Variants in STK32B observed in about 807,000 individuals in gnomAD.
STK32B encodes the protein serine/threonine-protein kinase 32B.
Under a neutral mutation model 52.6 loss-of-function variants are expected in STK32B, and 43 were observed. The observed-to-expected ratio is 0.82, with a 90% confidence interval of 0.64 to 1.05. The LOEUF is 1.05. Ranked by LOEUF, STK32B falls within the 50% of genes least tolerant of loss-of-function variation. STK32B has a pLI of 0.00. For synonymous variants in STK32B, 238 were observed against 204.3 expected, an observed-to-expected ratio of 1.17 and a Z score of -1.41; for missense variants, 621 against 534.6, an observed-to-expected ratio of 1.16 and a Z score of -1.59.
At chr4:5,027,575 A>G in the STK32B span, among the ~76,000 whole-genome samples, 2 of 152,240 alleles carry the variant, frequency 1.3e-5, no homozygotes, top group Admixed American at 1.3e-4. Flanking sequence ...GGTTTATACC[A>G]CTTATTGCAC....
intron 3 of STK32B, among the ~76,000 whole-genome samples, chr4:5,174,468 C>T (rs969401047): frequency 6.6e-6 from 1 of 152,172 alleles, no homozygotes; most frequent in Non-Finnish European, 1.5e-5. Flanking sequence ...TTTAGTGCTT[C>T]CTTCAGGAGC....
chr4:5,217,939 T>C (rs368164011), intron 3 of STK32B, among the ~76,000 whole-genome samples: 1 of 152,208 alleles, frequency 6.6e-6, no homozygotes, highest in Admixed American at 6.5e-5. Context: ...TTTTGACACA[T>C]AATGAAAATT....
chr4:5,359,773 G>C (rs948333188), intron 4 of STK32B, among the ~76,000 whole-genome samples: 1 of 152,194 alleles, frequency 6.6e-6, no homozygotes, highest in African/African-American at 2.4e-5. Context: ...GTGCTTGGTT[G>C]CCTCAGGAAC....
intron 3 of STK32B, among the ~76,000 whole-genome samples, chr4:5,235,507 T>C (rs903420236): frequency 1.3e-5 from 2 of 152,176 alleles, no homozygotes; most frequent in Admixed American, 6.5e-5. Context: ...ATACAGATTA[T>C]CCAAGATAGC....
rs1309360093 is a variant in STK32B, at chr4:5,345,800, C to T, written c.434+14407C>T. On this transcript the variant is annotated intron_variant, in intron 4 of 11. Coordinates refer to ENST00000282908, the MANE Select transcript of STK32B (RefSeq NM_018401.3). ...AGAATTGATCTGCTATCCAAGCTTT[C>T]GTGATGGAAACGTCACATGGATGAC... 2.0e-5 allele frequency among the ~76,000 whole-genome samples: 3 copies of T among 152,184 alleles called. No individual in the cohort carries two copies. In the East Asian group the frequency reaches 5.8e-4, roughly 29 times the overall value.
intron 1 of STK32B, among the ~76,000 whole-genome samples, chr4:5,084,793 T>G (rs1712626553): frequency 6.6e-6 from 1 of 152,232 alleles, no homozygotes; most frequent in South Asian, 2.1e-4. Context: ...ATTTTTAAAC[T>G]GTCTCAGAGT....
intron 3 of STK32B, among the ~76,000 whole-genome samples, chr4:5,287,587 A>T (rs1728635268): frequency 6.6e-6 from 1 of 152,176 alleles, no homozygotes; most frequent in Non-Finnish European, 1.5e-5. Flanking sequence ...AAACCAAGCC[A>T]ACTAGTGTCG....
rs372479384 is a variant in STK32B at position 5,147,558 on chromosome 4, A to G, written c.108+7598A>G. ...TTCATTAAGAACATCTTTACCTGTA[A>G]GTTTTTCAGAGATGCTCTTTATCAA... On this transcript the variant is annotated intron_variant, in intron 2 of 11. Transcript: ENST00000282908. Among the ~76,000 whole-genome samples the G allele has an allele frequency of 3.4e-4, 52 of 152,058 alleles. No homozygotes were observed. The South Asian group carries it at 9.6e-3, about 28-fold the overall frequency.
intron 3 of STK32B, among the ~76,000 whole-genome samples, chr4:5,212,630 T>C (rs748346478): frequency 4.6e-5 from 7 of 152,226 alleles, no homozygotes; most frequent in Non-Finnish European, 7.3e-5. Flanking sequence ...TTTTGTTATG[T>C]TAGCAAAGGC....
intron 3 of STK32B, among the ~76,000 whole-genome samples, chr4:5,284,262 A>G (rs1560285290): frequency 6.6e-6 from 1 of 152,208 alleles, no homozygotes; most frequent in Admixed American, 6.5e-5. Context: ...ATCAAACCAC[A>G]AAAGAAGACA....
intron 1 of STK32B, among the ~76,000 whole-genome samples, chr4:5,075,743 A>G (rs1301614582): frequency 6.8e-6 from 1 of 146,380 alleles, no homozygotes. Context: ...TCTTTTCAAG[A>G]ACAGGTTTTT....
intron 3 of STK32B, among the ~76,000 whole-genome samples, chr4:5,316,404 AATAT>A (rs1430898067): frequency 5.8e-5 from 2 of 34,436 alleles, no homozygotes; most frequent in Non-Finnish European, 7.5e-5. Flanking sequence ...TTACATATAT[AATAT>A]ATAATATATA....
chr4:5,190,612 G>A (rs866422813), intron 3 of STK32B, among the ~76,000 whole-genome samples: 3 of 152,122 alleles, frequency 2.0e-5, no homozygotes, highest in Non-Finnish European at 4.4e-5. Flanking sequence ...AAGAGTGCCC[G>A]CTTTCTCATT....
intron 3 of STK32B, among the ~76,000 whole-genome samples, chr4:5,320,128 C>A (rs1731390297): frequency 6.6e-6 from 1 of 152,152 alleles, no homozygotes. Context: ...GAATCCCTCC[C>A]CTTTTTTGAT....
chr4:5,332,562 T>G (rs1244641303), intron 4 of STK32B, among the ~76,000 whole-genome samples: 1 of 152,168 alleles, frequency 6.6e-6, no homozygotes, highest in Non-Finnish European at 1.5e-5. Flanking sequence ...TAGTTACATA[T>G]GTATACATGT....
At chr4:5,161,796 C>T (rs1195878513) in intron 2 of STK32B, among the ~76,000 whole-genome samples, 2 of 152,202 alleles carry the variant, frequency 1.3e-5, no homozygotes, top group East Asian at 1.9e-4. Context: ...CCAGCTTGAT[C>T]ATCTCTTTAG....
At chr4:5,229,970 C>T (rs1432537949) in intron 3 of STK32B, among the ~76,000 whole-genome samples, 1 of 151,572 alleles carries the variant, frequency 6.6e-6, no homozygotes, top group East Asian at 1.9e-4. Context: ...ATGTTTATGC[C>T]CCAAACCTAC....
chr4:5,292,321 T>G (rs1316417044), intron 3 of STK32B, among the ~76,000 whole-genome samples: 1 of 152,194 alleles, frequency 6.6e-6, no homozygotes, highest in Non-Finnish European at 1.5e-5. Context: ...TTTTTGACTT[T>G]TTATAATAGC....
chr4:5,081,944 ATTTG>A (rs535807169), intron 1 of STK32B, among the ~76,000 whole-genome samples: 14 of 152,136 alleles, frequency 9.2e-5, no homozygotes, highest in East Asian at 5.8e-4. Flanking sequence ...GTTTTCTTAA[ATTTG>A]TTTGTTTGTT....
Sources: gnomAD v4.1 joint callset for allele counts (sites outside exome capture counted in the v4.1 genomes callset) on GRCh38, gnomAD v4.1.1 for gene constraint, MANE v1.5 for transcripts, NCBI Gene and HGNC (gene_info 2026-07-23, HGNC 2026-07-21) for gene names.